Variants in NEK6 observed in about 807,000 individuals in gnomAD.
NEK6 encodes the protein NIMA related kinase 6.
Under a neutral mutation model 43.5 loss-of-function variants are expected in NEK6, and 27 were observed. That is an observed-to-expected ratio of 0.62 (90% CI 0.46 to 0.86). The LOEUF is 0.86. Ranked by LOEUF, NEK6 falls within the 40% of genes least tolerant of loss-of-function variation. The probability of loss-of-function intolerance (pLI) is 0.00; values close to 1 mark genes in which losing one functional copy is unlikely to be tolerated. For synonymous variants in NEK6, 167 were observed against 164.1 expected (o/e 1.02, Z -0.14); for missense variants, 318 against 414.4 (o/e 0.77, Z 2.02).
At chr9:124,327,024 C>T (rs1045980668) in intron 6 of NEK6, among the ~76,000 whole-genome samples, 3 of 152,164 alleles carry the variant, frequency 2.0e-5, no homozygotes, top group Admixed American at 6.5e-5. Context: ...TGAGGGCCTC[C>T]TGTGTGCGAG....
At chr9:124,309,031 G>C (rs1234796480) in intron 2 of NEK6, among the ~76,000 whole-genome samples, 1 of 152,154 alleles carries the variant, frequency 6.6e-6, no homozygotes, top group Non-Finnish European at 1.5e-5. Context: ...GAGCCCCCAG[G>C]TGCACCAGGG....
At chr9:124,296,453 C>A (rs1832693026) in intron 1 of NEK6, among the ~76,000 whole-genome samples, 1 of 152,174 alleles carries the variant, frequency 6.6e-6, no homozygotes, top group Non-Finnish European at 1.5e-5. Context: ...AGTCTGGGAG[C>A]CACAACTGCC....
chr9:124,308,913 T>A (rs1376929743), intron 2 of NEK6, among the ~76,000 whole-genome samples: 1 of 152,094 alleles, frequency 6.6e-6, no homozygotes, highest in Non-Finnish European at 1.5e-5. Flanking sequence ...GGGGCAAAAG[T>A]GGAACTTGCG....
intron 2 of NEK6, among the ~76,000 whole-genome samples, chr9:124,305,570 GAAAA>G (rs1833215096): frequency 7.4e-6 from 1 of 135,270 alleles, no homozygotes; most frequent in East Asian, 2.3e-4. Context: ...AAAAAAAAAA[GAAAA>G]AGAAAAGAAA....
intron 8 of NEK6, among the ~76,000 whole-genome samples, chr9:124,341,325 G>A (rs1460946401): frequency 6.6e-6 from 1 of 152,204 alleles, no homozygotes; most frequent in Admixed American, 6.5e-5. Context: ...TGGAGGTGTG[G>A]TCCTTGTGGA....
At chr9:124,311,803 C>T (rs1833539342) in intron 2 of NEK6, among the ~76,000 whole-genome samples, 1 of 152,234 alleles carries the variant, frequency 6.6e-6, no homozygotes, top group Admixed American at 6.5e-5. Flanking sequence ...GATTCTCATG[C>T]CTCAGCCTCC....
At chr9:124,263,994 G>A (rs1270197571) in intron 1 of NEK6, among the ~76,000 whole-genome samples, 5 of 152,224 alleles carry the variant, frequency 3.3e-5, no homozygotes, top group South Asian at 2.1e-4. Flanking sequence ...TTTACACAGC[G>A]TCGGCCCCGC....
rs201663273 is a variant in NEK6, at chr9:124,327,459, G to A, written c.622+14G>A. The A allele has an allele frequency of 4.2e-4, 663 of 1,597,250 alleles. 6 individuals are homozygous for A. The African/African-American group carries it at 7.9e-3, about 19-fold the overall frequency. On this transcript the variant is annotated intron_variant, in intron 7 of 9. Transcript: ENST00000320246. ...CCCACTCCCTAGGTAAGGGGGACCT[G>A]TCTGTGCCCCAGCAGCCCCCAGCGG...
At position 124,343,785 on chromosome 9, in the gene NEK6, C is replaced by T. The variant is rs1350040244; in HGVS notation, c.718-3924C>T. On this transcript the variant is annotated intron_variant, in intron 8 of 9. Coordinates refer to ENST00000320246, the MANE Select transcript of NEK6 (RefSeq NM_014397.6). This position sits in a 1 kb window ranked among gnomAD's most constrained non-coding sequence, Gnocchi z 5.1. Reference sequence around the variant, plus strand: ...AGGGCACATACCCAGGTCACCTGGGCCCTGGTGACAGACACAGCCGGAGAA... The same window carrying T: ...AGGGCACATACCCAGGTCACCTGGGTCCTGGTGACAGACACAGCCGGAGAA... Among the ~76,000 whole-genome samples, 3 of 152,164 alleles carry T rather than the reference C, an allele frequency of 2.0e-5. No individual in the cohort carries two copies. Among genetic ancestry groups the T allele is most frequent in the Non-Finnish European group, 4.4e-5 (3 of 68,020 alleles).
chr9:124,313,826 T>G (rs1588499733), intron 3 of NEK6, 97 bp from the exon 4 acceptor site: 1 of 1,211,896 alleles, frequency 8.3e-7, no homozygotes, highest in Non-Finnish European at 1.2e-6. Context: ...GGTGAGGAGG[T>G]GGGAGAGCCG....
intron 7 of NEK6, among the ~76,000 whole-genome samples, chr9:124,336,175 T>C (rs1361125587): frequency 6.6e-6 from 1 of 151,814 alleles, no homozygotes; most frequent in Non-Finnish European, 1.5e-5. Flanking sequence ...GAGGCAGAGG[T>C]TGCAGTGAGC....
In NEK6 at chr9:124,272,047, T is replaced by A. The variant is rs192018210; in HGVS notation, c.-30+13962T>A. ...TGGAGCAAGGGGTAATAGCAGATCCTGTCTCTGGGGCAGTTTTCCCAATCT... is the reference window on the plus strand; with the variant it reads ...TGGAGCAAGGGGTAATAGCAGATCCAGTCTCTGGGGCAGTTTTCCCAATCT... On this transcript the variant is annotated intron_variant, in intron 1 of 9. Coordinates refer to ENST00000320246, the MANE Select transcript of NEK6 (RefSeq NM_014397.6). Among the ~76,000 whole-genome samples, 3 of 152,368 alleles carry A rather than the reference T, an allele frequency of 2.0e-5. No homozygotes were observed. The East Asian group carries it at 5.8e-4, about 29-fold the overall frequency.
chr9:124,281,883 T>C (rs1317733628), intron 1 of NEK6, among the ~76,000 whole-genome samples: 1 of 152,154 alleles, frequency 6.6e-6, no homozygotes, highest in African/African-American at 2.4e-5. Flanking sequence ...ATGTCTATCT[T>C]CAAAATGTGG....
At chr9:124,320,384 G>T (rs1225571888) in intron 4 of NEK6, among the ~76,000 whole-genome samples, 1 of 152,202 alleles carries the variant, frequency 6.6e-6, no homozygotes, top group African/African-American at 2.4e-5. Context: ...GGCTTGCATG[G>T]CTCTGTAACA....
chr9:124,313,769 A>G (rs1381217113), intron 3 of NEK6, among the ~76,000 whole-genome samples, 154 bp from the exon 4 acceptor site: 1 of 151,966 alleles, frequency 6.6e-6, no homozygotes, highest in Non-Finnish European at 1.5e-5. Context: ...CACAGTGAGC[A>G]AGCCCTACAG....
chr9:124,257,736 C>T (rs771333524), upstream of NEK6: 14 of 1,526,440 alleles, frequency 9.2e-6, no homozygotes, highest in African/African-American at 1.4e-5. Flanking sequence ...GTCTGGGCCT[C>T]AGTCTTCCCA....
chr9:124,349,815 G>A (rs556202630), intron 9 of NEK6, among the ~76,000 whole-genome samples: 4 of 152,266 alleles, frequency 2.6e-5, no homozygotes, highest in South Asian at 4.1e-4. Flanking sequence ...TTCAGACTCC[G>A]GGAGTGGCCT....
chr9:124,333,152 C>T (rs1246243228), intron 7 of NEK6, among the ~76,000 whole-genome samples: 2 of 152,234 alleles, frequency 1.3e-5, no homozygotes, highest in African/African-American at 2.4e-5. Flanking sequence ...TCCAGTGGCC[C>T]GCTGCAAGCT....
chr9:124,297,247 G>A lies in NEK6; in HGVS notation c.-29-4689G>A, dbSNP rs542265168. On this transcript the variant is annotated intron_variant, in intron 1 of 9. Coordinates refer to ENST00000320246, the MANE Select transcript of NEK6 (RefSeq NM_014397.6). ...ATGTCTGTCACATGGAGGTGATCAC[G>A]CCTCCATTGTACAAGTGAGGGTTAG... Among the ~76,000 whole-genome samples the A allele has an allele frequency of 3.9e-5, 6 of 152,320 alleles. No homozygotes were observed. In the South Asian group the frequency reaches 1.2e-3, roughly 32 times the overall value.
Sources: gnomAD v4.1 joint callset for allele counts (sites outside exome capture counted in the v4.1 genomes callset) on GRCh38, gnomAD v4.1.1 for gene constraint, Gnocchi (gnomAD v3.1) non-coding constraint, MANE v1.5 for transcripts, NCBI Gene and HGNC (gene_info 2026-07-23, HGNC 2026-07-21) for gene names.